Variants in SOAT1 observed in about 807,000 individuals in gnomAD.
SOAT1 encodes acyl-coenzyme A:cholesterol acyltransferase 1.
Under a neutral mutation model 69.5 loss-of-function variants are expected in SOAT1, and 55 were observed. That is an observed-to-expected ratio of 0.79 (90% confidence interval 0.64 to 0.99). The LOEUF (loss-of-function observed/expected upper bound fraction) is 0.99, where lower values mean the gene tolerates loss of function less well. Among genes scored for constraint, SOAT1 ranks in the 50% least tolerant of loss-of-function variants. SOAT1 has a pLI of 0.00. For missense variants in SOAT1, 580 were observed against 669.3 expected (o/e 0.87, Z 1.47); for synonymous variants, 231 against 224.7 (o/e 1.03, Z -0.25).
intron 2 of SOAT1, among the ~76,000 whole-genome samples, chr1:179,316,819 T>C (rs1665412493): frequency 6.6e-6 from 1 of 152,232 alleles, no homozygotes; most frequent in South Asian, 2.1e-4. Context: ...GAGCTCTGAT[T>C]AGATGCATTT....
chr1:179,343,779 C>T (rs964939099), intron 10 of SOAT1, 144 bp downstream of exon 10: 71 of 614,424 alleles, frequency 1.2e-4, no homozygotes, highest in South Asian at 3.2e-4. Context: ...ATTTCCAGTA[C>T]GGTAAATGGT....
intron 2 of SOAT1, among the ~76,000 whole-genome samples, chr1:179,322,187 C>CTTTTCTATG (rs1027620951): frequency 1.3e-5 from 2 of 152,056 alleles, no homozygotes; most frequent in African/African-American, 4.8e-5. Context: ...CCCAGCCTTC[C>CTTTTCTATG]TTTTCTATGT....
intron 2 of SOAT1, among the ~76,000 whole-genome samples, chr1:179,315,143 T>A (rs1168182712): frequency 6.6e-6 from 1 of 152,206 alleles, no homozygotes; most frequent in Non-Finnish European, 1.5e-5. Flanking sequence ...TTGTAAATAG[T>A]TCTTCAAATC....
intron 1 of SOAT1, among the ~76,000 whole-genome samples, chr1:179,294,636 A>G (rs1664567275): frequency 6.6e-6 from 1 of 152,172 alleles, no homozygotes; most frequent in Admixed American, 6.5e-5. Flanking sequence ...GGTTCAAGCG[A>G]TTCTTGTGCC....
At chr1:179,322,648 T>C (rs1347818894) in intron 2 of SOAT1, among the ~76,000 whole-genome samples, 3 of 152,234 alleles carry the variant, frequency 2.0e-5, no homozygotes, top group African/African-American at 7.2e-5. Flanking sequence ...TGGGTTAGCT[T>C]TAGAACATAT....
chr1:179,301,595 G>A (rs1442728201), intron 1 of SOAT1, among the ~76,000 whole-genome samples: 5 of 152,162 alleles, frequency 3.3e-5, no homozygotes, highest in African/African-American at 7.2e-5. Context: ...TCAACTGCAG[G>A]TGTATTCCTG....
intron 1 of SOAT1, among the ~76,000 whole-genome samples, chr1:179,299,391 T>C (rs1165486771): frequency 6.6e-6 from 1 of 152,194 alleles, no homozygotes; most frequent in Admixed American, 6.5e-5. Context: ...AGGTACATAA[T>C]AGGTGCTCAT....
intron 3 of SOAT1, among the ~76,000 whole-genome samples, chr1:179,332,473 C>T (rs570825593): frequency 6.6e-6 from 1 of 152,098 alleles, no homozygotes; most frequent in Non-Finnish European, 1.5e-5. Flanking sequence ...AAAAGGTTTC[C>T]TTAAGCTCTA....
At chr1:179,328,036 A>C (rs1665848636) in intron 3 of SOAT1, among the ~76,000 whole-genome samples, 1 of 152,200 alleles carries the variant, frequency 6.6e-6, no homozygotes, top group Non-Finnish European at 1.5e-5. Context: ...GAACAGTCCA[A>C]GGGAGATTCA....
chr1:179,331,513 A>G (rs1665973753), intron 3 of SOAT1, among the ~76,000 whole-genome samples: 2 of 152,194 alleles, frequency 1.3e-5, no homozygotes, highest in Non-Finnish European at 2.9e-5. Context: ...CAAGGCAGGC[A>G]GATCATTTGA....
intron 3 of SOAT1, among the ~76,000 whole-genome samples, chr1:179,328,939 G>A (rs1473739747): frequency 2.0e-5 from 3 of 151,494 alleles, no homozygotes; most frequent in Non-Finnish European, 4.4e-5. Flanking sequence ...ACTGCTACTC[G>A]GGAGGCTGAG....
intron 3 of SOAT1, among the ~76,000 whole-genome samples, chr1:179,330,990 T>A (rs1665950684): frequency 6.6e-6 from 1 of 152,170 alleles, no homozygotes; most frequent in Non-Finnish European, 1.5e-5. Flanking sequence ...GGGATTCTAG[T>A]ACTAAGAAAG....
At chr1:179,340,590 A>T (rs866201500) in intron 6 of SOAT1, among the ~76,000 whole-genome samples, 50 of 152,304 alleles carry the variant, frequency 3.3e-4, no homozygotes, top group Non-Finnish European at 2.6e-4. Flanking sequence ...ATGGTATAGT[A>T]TATTAACATA....
Position 179,351,720 on chromosome 1 carries a change from A to ATTTTTTTTTTTTTTTTTTTTTTTTTT in SOAT1, c.1596+258_1596+259insTTTTTTTTTTTTTTTTTTTTTTTTTT, listed in dbSNP as rs1558061106. 6.9e-5 allele frequency among the ~76,000 whole-genome samples: 3 copies of ATTTTTTTTTTTTTTTTTTTTTTTTTT among 43,480 alleles called. 1 individual carries two copies. Among genetic ancestry groups the ATTTTTTTTTTTTTTTTTTTTTTTTTT allele is most frequent in the African/African-American group, 2.8e-4 (3 of 10,548 alleles). The allele number at this position is 43,480 out of a possible 152,430, so 28.5% of individuals were successfully genotyped here. A position where few individuals can be genotyped will look rare whatever the true frequency, so the allele number is the denominator to read the frequency against. On this transcript the variant is annotated intron_variant, in intron 15 of 15. Coordinates refer to ENST00000367619, the MANE Select transcript of SOAT1 (RefSeq NM_003101.6). ...TACTGCCTTTTCTTCAGCCCCTTCT[A>ATTTTTTTTTTTTTTTTTTTTTTTTTT]ATTTTTTTTTTTTTTTTGAGACAGA...
At chr1:179,310,016 C>T (rs1665167408) in intron 2 of SOAT1, among the ~76,000 whole-genome samples, 1 of 152,086 alleles carries the variant, frequency 6.6e-6, no homozygotes, top group South Asian at 2.1e-4. Flanking sequence ...TCTCCTGCCT[C>T]AGCCTCCTGA....
In SOAT1 at chr1:179,351,179, G is replaced by A. The variant is rs1030971865; in HGVS notation, c.1451-138G>A. On this transcript the variant is annotated intron_variant, in intron 14 of 15. Transcript: ENST00000367619. ...CTGCCTCAGCCTCCCGAGTGGCTGGGATTACAGGCACACACCACCACGCCT... is the reference window on the plus strand; with the variant it reads ...CTGCCTCAGCCTCCCGAGTGGCTGGAATTACAGGCACACACCACCACGCCT... The A allele has an allele frequency of 1.1e-5, 7 of 665,774 alleles. No homozygotes were observed. The Admixed American group carries it at 1.5e-4, about 15-fold the overall frequency. The allele number at this position is 665,774 out of a possible 1,614,324, so 41.2% of individuals were successfully genotyped here. A position where few individuals can be genotyped will look rare whatever the true frequency, so the allele number is the denominator to read the frequency against.
At chr1:179,350,705 A>G (rs1666695531) in intron 14 of SOAT1, among the ~76,000 whole-genome samples, 1 of 152,204 alleles carries the variant, frequency 6.6e-6, no homozygotes. Flanking sequence ...TTATCTATAT[A>G]AACAGCTTTC....
chr1:179,358,199 A>G lies in SOAT1; in HGVS notation c.*4558A>G, dbSNP rs1396676128. On this transcript the variant is annotated 3_prime_UTR_variant, in exon 16 of 16. Coordinates refer to ENST00000367619, the MANE Select transcript of SOAT1 (RefSeq NM_003101.6). ...GAAAATGGGTTAATTTCACGAGTGC[A>G]TATCACTTTTGACTATATTAGTCAA... The G allele has an allele frequency of 1.3e-5, 2 of 152,358 alleles. No individual in the cohort carries two copies. The highest frequency in any genetic ancestry group is 2.1e-4 in the South Asian group (1 of 4,834). The allele number at this position is 152,358 out of a possible 1,614,324, so 9.4% of individuals were successfully genotyped here. A position where few individuals can be genotyped will look rare whatever the true frequency, so the allele number is the denominator to read the frequency against.
At chr1:179,295,322 C>G (rs1267712010) in intron 1 of SOAT1, among the ~76,000 whole-genome samples, 1 of 152,206 alleles carries the variant, frequency 6.6e-6, no homozygotes, top group Non-Finnish European at 1.5e-5. Flanking sequence ...TTATACCTGC[C>G]TCAGATATCA....
Sources: gnomAD v4.1 joint callset for allele counts (sites outside exome capture counted in the v4.1 genomes callset) on GRCh38, gnomAD v4.1.1 for gene constraint, MANE v1.5 for transcripts, NCBI Gene and HGNC (gene_info 2026-07-23, HGNC 2026-07-21) for gene names.